CCDC60: variants seen among roughly 807,000 people sequenced by gnomAD.
The protein encoded by CCDC60 is coiled-coil domain containing 60, also known as coiled-coil domain-containing protein 60.
In CCDC60, 54 loss-of-function variants were observed where a neutral mutation model predicts 63.5. The observed-to-expected ratio is 0.85, with a 90% CI of 0.68 to 1.07. CCDC60 has a LOEUF of 1.07. CCDC60 is among the 50% of genes least tolerant of loss of function. The pLI, the probability that CCDC60 is intolerant of heterozygous loss-of-function variation, is 0.00. For missense variants in CCDC60, 651 were observed against 684.3 expected, an observed-to-expected ratio of 0.95 and a Z score of 0.54; for synonymous variants, 206 against 238.8, an observed-to-expected ratio of 0.86 and a Z score of 1.27.
At chr12:119,524,716 C>CTTA (rs1952633665) in intron 11 of CCDC60, among the ~76,000 whole-genome samples, 1 of 90,594 alleles carries the variant, frequency 1.1e-5, no homozygotes, top group Admixed American at 1.2e-4. Flanking sequence ...CTTTTCTTTT[C>CTTA]TTTTCTTTTT....
intron 1 of CCDC60, among the ~76,000 whole-genome samples, chr12:119,347,295 G>T (rs540909241): frequency 6.6e-6 from 1 of 152,142 alleles, no homozygotes; most frequent in Non-Finnish European, 1.5e-5. Flanking sequence ...AGGCTCTGGG[G>T]TGTGTGTGGC....
At chr12:119,354,084 TCTC>T (rs1955691904) in intron 1 of CCDC60, among the ~76,000 whole-genome samples, 1 of 151,936 alleles carries the variant, frequency 6.6e-6, no homozygotes, top group African/African-American at 2.4e-5. Context: ...CTCTCGTCTC[TCTC>T]CTACCTCTTT....
At chr12:119,412,016 A>C (rs527546923) in intron 1 of CCDC60, among the ~76,000 whole-genome samples, 3 of 152,122 alleles carry the variant, frequency 2.0e-5, no homozygotes, top group South Asian at 2.1e-4. Flanking sequence ...ATATTTTCTA[A>C]CTCCTAATAG....
At chr12:119,494,020 C>T (rs1442128120) in intron 5 of CCDC60, among the ~76,000 whole-genome samples, 1 of 152,194 alleles carries the variant, frequency 6.6e-6, no homozygotes, top group Non-Finnish European at 1.5e-5. Flanking sequence ...AGCCTCCCAT[C>T]AGTTTCTGTC....
chr12:119,446,698 G>T (rs1355607122), intron 2 of CCDC60, among the ~76,000 whole-genome samples: 1 of 119,930 alleles, frequency 8.3e-6, no homozygotes, highest in Non-Finnish European at 1.8e-5. Flanking sequence ...AGCTTTAAAA[G>T]CTGTGTGTGC....
At position 119,369,142 on chromosome 12, in the gene CCDC60, G is replaced by C. The variant is rs867120687; in HGVS notation, c.90+33876G>C. 3.3e-5 allele frequency among the ~76,000 whole-genome samples: 5 copies of C among 152,320 alleles called. No homozygotes were observed. The Middle Eastern group carries it at 0.01, about 311-fold the overall frequency. On this transcript the variant is annotated intron_variant, in intron 1 of 13. Transcript: ENST00000327554. ...AGGCAGGCAGGTTGGTACAAGAGAA[G>C]AAAATAACACAAGCATGACCTTATA...
intron 1 of CCDC60, among the ~76,000 whole-genome samples, chr12:119,344,855 T>TCTCTCACA (rs1232194303): frequency 4.4e-4 from 51 of 114,856 alleles, no homozygotes; most frequent in Middle Eastern, 5.0e-3. Context: ...TCTCTCTCTC[T>TCTCTCACA]CACACACACA....
chr12:119,400,860 T>C (rs1956380053), intron 1 of CCDC60, among the ~76,000 whole-genome samples: 1 of 152,212 alleles, frequency 6.6e-6, no homozygotes, highest in Non-Finnish European at 1.5e-5. Flanking sequence ...TTTGGGCCAA[T>C]GGGTGCAGGA....
intron 1 of CCDC60, among the ~76,000 whole-genome samples, chr12:119,392,148 T>C (rs1444346044): frequency 2.0e-5 from 3 of 152,192 alleles, no homozygotes; most frequent in Admixed American, 6.5e-5. Context: ...ATGTAGGAGA[T>C]GCTGTGAAAC....
intron 1 of CCDC60, among the ~76,000 whole-genome samples, chr12:119,398,928 C>T (rs768228166): frequency 1.3e-5 from 2 of 152,162 alleles, no homozygotes; most frequent in Non-Finnish European, 2.9e-5. Context: ...AGCTGTAATT[C>T]TCATATCTCT....
chr12:119,528,519 G>A, intron 11 of CCDC60, 96 bp from the exon 12 acceptor site: 1 of 1,372,606 alleles, frequency 7.3e-7, no homozygotes, highest in East Asian at 2.3e-5. Flanking sequence ...GCCTCATGAA[G>A]GAAAAGGTGT....
At chr12:119,368,824 A>G (rs924953383) in intron 1 of CCDC60, among the ~76,000 whole-genome samples, 3 of 152,190 alleles carry the variant, frequency 2.0e-5, no homozygotes, top group African/African-American at 7.2e-5. Flanking sequence ...ACCTCCACTT[A>G]GTCGCCACTT....
intron 2 of CCDC60, among the ~76,000 whole-genome samples, chr12:119,445,272 A>G (rs1459975365): frequency 6.6e-6 from 1 of 151,694 alleles, no homozygotes; most frequent in Non-Finnish European, 1.5e-5. Flanking sequence ...CGTCTCTACT[A>G]AAAATACAAA....
chr12:119,488,178 T>C (rs1174780036), intron 4 of CCDC60, among the ~76,000 whole-genome samples: 1 of 152,248 alleles, frequency 6.6e-6, no homozygotes, highest in African/African-American at 2.4e-5. Flanking sequence ...TTTGTGTTTT[T>C]CTTCAAAACC....
intron 1 of CCDC60, among the ~76,000 whole-genome samples, chr12:119,335,758 A>C (rs1323909006): frequency 6.6e-6 from 1 of 151,540 alleles, no homozygotes; most frequent in African/African-American, 2.4e-5. Flanking sequence ...TTGCCTGTTC[A>C]CTCTGATGGT....
At position 119,395,868 on chromosome 12, in the gene CCDC60, T is replaced by C. The variant is rs969634825; in HGVS notation, c.91-32815T>C. On this transcript the variant is annotated intron_variant, in intron 1 of 13. Coordinates refer to ENST00000327554, the MANE Select transcript of CCDC60 (RefSeq NM_178499.5). ...TGGCTCCTGCAATCCTTGGTGTTTG[T>C]TGGCTTGTAGCCTCATCACTCCAGT... Among the ~76,000 whole-genome samples the C allele has an allele frequency of 1.6e-4, 25 of 152,204 alleles. 1 individual carries two copies.
chr12:119,500,729 C>T (rs377182588), intron 6 of CCDC60, among the ~76,000 whole-genome samples: 6 of 152,092 alleles, frequency 3.9e-5, no homozygotes, highest in East Asian at 1.9e-4. Flanking sequence ...TGGTGTGCAC[C>T]TGTAGTCCCA....
intron 1 of CCDC60, among the ~76,000 whole-genome samples, chr12:119,359,279 T>C (rs1232562555): frequency 1.3e-5 from 2 of 152,220 alleles, no homozygotes; most frequent in Non-Finnish European, 2.9e-5. Context: ...CTCTTGTTCA[T>C]TTTTCCGTTG....
intron 2 of CCDC60, among the ~76,000 whole-genome samples, chr12:119,461,193 T>A (rs1440011239): frequency 6.6e-6 from 1 of 152,174 alleles, no homozygotes; most frequent in Non-Finnish European, 1.5e-5. Context: ...CTTCCCATTA[T>A]GGAGCCCTAT....
Sources: gnomAD v4.1 joint callset for allele counts (sites outside exome capture counted in the v4.1 genomes callset) on GRCh38, gnomAD v4.1.1 for gene constraint, MANE v1.5 for transcripts, NCBI Gene and HGNC (gene_info 2026-07-23, HGNC 2026-07-21) for gene names.